The following MINDY3 variants were observed in gnomAD, a reference collection of about 807,000 sequenced individuals.
The protein encoded by MINDY3 is MINDY lysine 48 deubiquitinase 3.
Under a neutral mutation model 69.2 loss-of-function variants are expected in MINDY3, and 38 were observed. That is an observed-to-expected ratio of 0.55 (90% CI 0.42 to 0.72). The LOEUF (loss-of-function observed/expected upper bound fraction) is 0.72, where lower values mean the gene tolerates loss of function less well. Ranked by LOEUF, MINDY3 falls within the 30% of genes least tolerant of loss-of-function variation. The probability of loss-of-function intolerance (pLI) is 0.00; values close to 1 mark genes in which losing one functional copy is unlikely to be tolerated. For missense variants in MINDY3, 522 were observed against 519.0 expected, an observed-to-expected ratio of 1.01 and a Z score of -0.06; for synonymous variants, 192 against 180.1, an observed-to-expected ratio of 1.07 and a Z score of -0.53.
At chr10:15,847,445 A>G (rs573105789) in intron 2 of MINDY3, among the ~76,000 whole-genome samples, 1 of 152,238 alleles carries the variant, frequency 6.6e-6, no homozygotes, top group African/African-American at 2.4e-5. Context: ...AAATTTGAAA[A>G]AGTTATAAGC....
chr10:15,823,073 C>CT (rs1839876710), intron 8 of MINDY3, among the ~76,000 whole-genome samples: 1 of 151,846 alleles, frequency 6.6e-6, no homozygotes, highest in East Asian at 1.9e-4. Flanking sequence ...AATATTAACT[C>CT]TGTTATTTTT....
chr10:15,841,836 G>T (rs953736796), intron 3 of MINDY3, among the ~76,000 whole-genome samples: 1 of 151,624 alleles, frequency 6.6e-6, no homozygotes, highest in African/African-American at 2.4e-5. Context: ...AAAGAATACT[G>T]AAAAATGCAG....
rs938075386 is a variant in MINDY3, at chr10:15,838,857, A to T, written c.410-578T>A. On this transcript the variant is annotated intron_variant, in intron 4 of 14. Coordinates refer to ENST00000277632, the MANE Select transcript of MINDY3 (RefSeq NM_024948.4). ...CAAAGGAAATAGAAGAAAGCATTTT[A>T]ATCAGAGGTAATGTTTATTGAGCAC... Among the ~76,000 whole-genome samples, 10 of 151,900 alleles carry T rather than the reference A, an allele frequency of 6.6e-5. No individual in the cohort carries two copies. The East Asian group carries it at 1.9e-3, about 29-fold the overall frequency.
intron 14 of MINDY3, among the ~76,000 whole-genome samples, chr10:15,779,509 T>C (rs1381443143): frequency 6.6e-6 from 1 of 152,192 alleles, no homozygotes; most frequent in Admixed American, 6.6e-5. Context: ...ACTGCTTTAA[T>C]ACTGAGGTTC....
In MINDY3 at chr10:15,782,479, T is replaced by TA. The variant is rs565077933; in HGVS notation, c.1117-254_1117-253insT. 435 of 372,442 alleles carry TA rather than the reference T, an allele frequency of 1.2e-3. 3 individuals carry two copies. Among genetic ancestry groups the TA allele is most frequent in the African/African-American group, 8.4e-3 (383 of 45,802 alleles). 23.1% of individuals were successfully genotyped at this position (372,442 alleles called of 1,614,324 possible). ...TATAAGCTCTTCAGAACTAACTTAT[T>TA]TTTTTTTTAATTATGTGCATGTATC... On this transcript the variant is annotated intron_variant, in intron 13 of 14. Coordinates refer to ENST00000277632, the MANE Select transcript of MINDY3 (RefSeq NM_024948.4).
At chr10:15,836,858 C>CA (rs202124675) in intron 6 of MINDY3, among the ~76,000 whole-genome samples, 64 of 147,180 alleles carry the variant, frequency 4.3e-4, no homozygotes, top group South Asian at 1.5e-3. Context: ...AGTGATTTTT[C>CA]AAAAAAAAAA....
At chr10:15,810,630 C>A (rs937060707) in intron 10 of MINDY3, among the ~76,000 whole-genome samples, 1 of 151,838 alleles carries the variant, frequency 6.6e-6, no homozygotes, top group Non-Finnish European at 1.5e-5. Flanking sequence ...GATGGATCTA[C>A]AGTGTGTTCT....
At chr10:15,784,886 G>C (rs1356355618) in intron 13 of MINDY3, among the ~76,000 whole-genome samples, 1 of 152,124 alleles carries the variant, frequency 6.6e-6, no homozygotes, top group Non-Finnish European at 1.5e-5. Context: ...GGCATGATCG[G>C]AAAAGATCTA....
intron 2 of MINDY3, among the ~76,000 whole-genome samples, chr10:15,843,967 A>C (rs1462951619): frequency 1.3e-5 from 2 of 152,128 alleles, no homozygotes; most frequent in Non-Finnish European, 2.9e-5. Flanking sequence ...TCTAGAGGGC[A>C]GGTCCAAGAA....
chr10:15,809,869 T>C (rs942741773), intron 10 of MINDY3, among the ~76,000 whole-genome samples: 3 of 152,130 alleles, frequency 2.0e-5, no homozygotes, highest in Non-Finnish European at 1.5e-5. Context: ...TAGGAAAAGA[T>C]GACTCTTTCT....
chr10:15,799,824 C>T (rs1396662026), intron 10 of MINDY3, among the ~76,000 whole-genome samples: 1 of 152,110 alleles, frequency 6.6e-6, no homozygotes, highest in African/African-American at 2.4e-5. Flanking sequence ...AAGTAGAATA[C>T]ATGGAGTTAT....
intron 1 of MINDY3, among the ~76,000 whole-genome samples, chr10:15,859,860 C>A (rs557509841): frequency 6.8e-4 from 104 of 152,346 alleles, no homozygotes; most frequent in Non-Finnish European, 1.3e-3. Context: ...ATGCGGAAGG[C>A]CACAGCACCC....
chr10:15,808,442 G>T (rs984535410), intron 10 of MINDY3, among the ~76,000 whole-genome samples: 3 of 152,074 alleles, frequency 2.0e-5, no homozygotes, highest in Admixed American at 6.6e-5. Flanking sequence ...GAGAAATGTC[G>T]ATGTAGAACT....
chr10:15,816,790 T>C lies in MINDY3; in HGVS notation c.882+45A>G, dbSNP rs182755381. 12 of 1,272,894 alleles carry C rather than the reference T, an allele frequency of 9.4e-6. No individual in the cohort carries two copies. The Admixed American group carries it at 2.1e-4, about 22-fold the overall frequency. The allele number at this position is 1,272,894 out of a possible 1,614,324, so 78.8% of individuals were successfully genotyped here. On this transcript the variant is annotated intron_variant, in intron 10 of 14. Transcript: ENST00000277632. ...CCAAATATGAACTTATAATACTTGTTTGCCTGATGTCATAACTTAAAAAAA... is the reference window on the plus strand; with the variant it reads ...CCAAATATGAACTTATAATACTTGTCTGCCTGATGTCATAACTTAAAAAAA...
At chr10:15,850,485 C>A (rs575588976) in intron 1 of MINDY3, among the ~76,000 whole-genome samples, 1 of 152,160 alleles carries the variant, frequency 6.6e-6, no homozygotes, top group Non-Finnish European at 1.5e-5. Flanking sequence ...AGAATGCATT[C>A]TCAGGGGGGA....
chr10:15,801,526 A>G (rs1222788665), intron 10 of MINDY3, among the ~76,000 whole-genome samples: 1 of 152,050 alleles, frequency 6.6e-6, no homozygotes, highest in Non-Finnish European at 1.5e-5. Flanking sequence ...GAATCCCATG[A>G]GCTCACCACC....
At position 15,784,501 on chromosome 10, in the gene MINDY3, T is replaced by C. The variant is rs80333038; in HGVS notation, c.1116+2060A>G. On this transcript the variant is annotated intron_variant, in intron 13 of 14. Transcript: ENST00000277632. ...GGCTCATACCTGTAATCCCAGCACT[T>C]TGGAAGGCCAGGACGGGTGGAACAC... is the stretch of plus-strand genomic sequence containing the variant. Among the ~76,000 whole-genome samples, 976 of 152,234 alleles carry C rather than the reference T, an allele frequency of 6.4e-3. 7 individuals carry two copies. Among genetic ancestry groups the C allele is most frequent in the African/African-American group, 0.022 (900 of 41,552 alleles).
At chr10:15,834,669 G>C in intron 6 of MINDY3, 53 bp from the exon 7 acceptor site, 1 of 1,302,146 alleles carries the variant, frequency 7.7e-7, no homozygotes, top group South Asian at 1.2e-5. Flanking sequence ...TGAAAATTAT[G>C]ACTGTTTAAA....
At chr10:15,844,638 CT>C (rs1833705651) in intron 2 of MINDY3, among the ~76,000 whole-genome samples, 1 of 152,096 alleles carries the variant, frequency 6.6e-6, no homozygotes, top group South Asian at 2.1e-4. Flanking sequence ...TTAAATACAA[CT>C]TTTTCCATAT....
Sources: allele counts gnomAD v4.1 joint callset (sites outside exome capture counted in the v4.1 genomes callset), GRCh38; gene constraint gnomAD v4.1.1; transcripts MANE v1.5; gene names NCBI Gene and HGNC (gene_info 2026-07-23, HGNC 2026-07-21).